Variants in KLF15 observed in about 807,000 individuals in gnomAD.
KLF15 encodes the protein KLF transcription factor 15.
In KLF15, 4 loss-of-function variants were observed where a neutral mutation model predicts 24.6. The ratio of observed to expected loss-of-function variants is 0.16; its 90% CI spans 0.08 to 0.37. The LOEUF is 0.37. KLF15 is among the 10% of genes least tolerant of loss of function. The pLI is 1.00. For missense variants in KLF15, 496 were observed against 560.6 expected (o/e 0.88, Z 1.16); for synonymous variants, 246 against 236.3 (o/e 1.04, Z -0.37).
chr3:126,323,460 TAACATATATATGTTATATATATATATAAC>T, the KLF15 span, among the ~76,000 whole-genome samples: 1 of 96,974 alleles, frequency 1.0e-5, no homozygotes, highest in East Asian at 2.6e-4. Context: ...TATATATATA[TAACATATATATGTTATATATATATATAAC>T]ATATATATAT....
At chr3:126,316,556 GGTACACGGGCTGGAGTAGGGAAGGA>G in the KLF15 span, among the ~76,000 whole-genome samples, 1 of 25,768 alleles carries the variant, frequency 3.9e-5, no homozygotes, top group African/African-American at 2.8e-4. Context: ...TGGGGAAGAG[GGTACACGGGCTGGAGTAGGGAAGGA>G]AGTCCAGAGT....
the KLF15 span, among the ~76,000 whole-genome samples, chr3:126,329,034 G>C: frequency 1.3e-5 from 2 of 152,264 alleles, no homozygotes; most frequent in Non-Finnish European, 2.9e-5. Context: ...TCTTAAACAG[G>C]AGTTTAAATG....
intron 1 of KLF15, among the ~76,000 whole-genome samples, chr3:126,353,470 A>C (rs2082604624): frequency 6.6e-6 from 1 of 152,232 alleles, no homozygotes; most frequent in African/African-American, 2.4e-5. Flanking sequence ...CGCAAATAAA[A>C]ATACAAGCCA....
the KLF15 span, among the ~76,000 whole-genome samples, chr3:126,318,539 G>A: frequency 6.6e-5 from 10 of 152,248 alleles, no homozygotes; most frequent in African/African-American, 1.7e-4. Flanking sequence ...GGACGTGCAG[G>A]GGGATAAAAC....
chr3:126,308,002 C>G, the KLF15 span, among the ~76,000 whole-genome samples: 6 of 152,188 alleles, frequency 3.9e-5, no homozygotes, highest in African/African-American at 1.2e-4. Context: ...TGGGTGGGAG[C>G]TGGGCAGAGA....
At chr3:126,323,857 G>A in the KLF15 span, among the ~76,000 whole-genome samples, 1 of 151,998 alleles carries the variant, frequency 6.6e-6, no homozygotes, top group South Asian at 2.1e-4. Flanking sequence ...TGCTGAGGAT[G>A]ATGGCTTCCA....
the KLF15 span, among the ~76,000 whole-genome samples, chr3:126,293,658 C>T: frequency 1.3e-5 from 2 of 152,160 alleles, no homozygotes; most frequent in Non-Finnish European, 2.9e-5. Flanking sequence ...AGAAAGTGCT[C>T]ATGGTGGTGC....
chr3:126,329,742 CT>C, the KLF15 span, among the ~76,000 whole-genome samples: 1 of 136,448 alleles, frequency 7.3e-6, no homozygotes, highest in African/African-American at 2.9e-5. Context: ...CTTTACAATA[CT>C]GAGTCTCCCC....
At chr3:126,304,808 G>A in the KLF15 span, among the ~76,000 whole-genome samples, 2 of 152,230 alleles carry the variant, frequency 1.3e-5, no homozygotes, top group African/African-American at 2.4e-5. Flanking sequence ...AATTCACCGA[G>A]TATGAGCTAG....
the KLF15 span, among the ~76,000 whole-genome samples, chr3:126,300,652 C>T: frequency 6.6e-6 from 1 of 152,236 alleles, no homozygotes; most frequent in Non-Finnish European, 1.5e-5. Flanking sequence ...GAGCTCTGTG[C>T]TGCCCTCACC....
chr3:126,337,529 A>T, the KLF15 span, among the ~76,000 whole-genome samples: 1 of 148,832 alleles, frequency 6.7e-6, no homozygotes, highest in African/African-American at 2.6e-5. Context: ...ATACATATGT[A>T]ACTAACCTGC....
the KLF15 span, among the ~76,000 whole-genome samples, chr3:126,327,464 G>T: frequency 4.6e-5 from 7 of 152,318 alleles, no homozygotes; most frequent in African/African-American, 1.7e-4. Context: ...GGATGATTCT[G>T]CAGTAGTCTA....
chr3:126,315,311 TA>T, the KLF15 span, among the ~76,000 whole-genome samples: 1 of 152,180 alleles, frequency 6.6e-6, no homozygotes. Flanking sequence ...GTTAGGGCTG[TA>T]ACTCCCAGTA....
chr3:126,318,740 C>T, the KLF15 span, among the ~76,000 whole-genome samples: 1 of 152,066 alleles, frequency 6.6e-6, no homozygotes, highest in Non-Finnish European at 1.5e-5. Flanking sequence ...TTTAGGTTCA[C>T]AGCAAAATCA....
chr3:126,313,874 G>T, the KLF15 span, among the ~76,000 whole-genome samples: 1 of 152,226 alleles, frequency 6.6e-6, no homozygotes, highest in East Asian at 1.9e-4. Flanking sequence ...ATCTAGGGAT[G>T]TCTTCAGCTG....
At chr3:126,295,686 G>A in the KLF15 span, among the ~76,000 whole-genome samples, 2 of 152,180 alleles carry the variant, frequency 1.3e-5, no homozygotes, top group Non-Finnish European at 2.9e-5. Context: ...CTTTAGTCAG[G>A]CTTCTGAACC....
chr3:126,343,157 C>CTACCCCCCCA lies in KLF15; in HGVS notation c.*569_*570insTGGGGGGGTA. On this transcript the variant is annotated 3_prime_UTR_variant, in exon 3 of 3. Transcript: ENST00000296233. ...GGGCCCAGCGGCCCGGTCCTGCCCC[C>CTACCCCCCCA]CCCCCCCCCCCCCCCCCCCCCCGGC... 1 of 12,910 alleles carries CTACCCCCCCA rather than the reference C, an allele frequency of 7.7e-5. No homozygotes were observed. Among genetic ancestry groups the CTACCCCCCCA allele is most frequent in the Admixed American group, 2.7e-4 (1 of 3,704 alleles). 0.8% of individuals were successfully genotyped at this position (12,910 alleles called of 1,614,324 possible).
At chr3:126,327,335 G>A in the KLF15 span, among the ~76,000 whole-genome samples, 17 of 152,120 alleles carry the variant, frequency 1.1e-4, 2 homozygotes, top group Admixed American at 8.5e-4. Context: ...AGGCAAACAG[G>A]GAGCCCCCAG....
chr3:126,346,275 C>T (rs1016100175), intron 2 of KLF15, among the ~76,000 whole-genome samples: 22 of 152,182 alleles, frequency 1.4e-4, no homozygotes, highest in African/African-American at 4.8e-4. Context: ...CAGAGTGCCA[C>T]GCCTCCCAGG....
Sources: allele counts gnomAD v4.1 joint callset (sites outside exome capture counted in the v4.1 genomes callset), GRCh38; gene constraint gnomAD v4.1.1; transcripts MANE v1.5; gene names NCBI Gene and HGNC (gene_info 2026-07-23, HGNC 2026-07-21).